ZNG1E: variants seen among roughly 807,000 people sequenced by gnomAD.
ZNG1E encodes zinc-regulated GTPase metalloprotein activator 1E.
At chr9:65,660,598 T>C in the ZNG1E span, among the ~76,000 whole-genome samples, 4 of 151,956 alleles carry the variant, frequency 2.6e-5, no homozygotes, top group Non-Finnish European at 2.9e-5. Context: ...TTTACTTTAC[T>C]AAGGCTAAAT....
the ZNG1E span, among the ~76,000 whole-genome samples, chr9:65,689,460 C>T: frequency 7.3e-6 from 1 of 136,606 alleles, no homozygotes; most frequent in Non-Finnish European, 1.5e-5. Flanking sequence ...GAGAAAAGCA[C>T]CCTGGTTTGA....
At chr9:65,687,977 T>G in the ZNG1E span, among the ~76,000 whole-genome samples, 4 of 151,366 alleles carry the variant, frequency 2.6e-5, no homozygotes, top group African/African-American at 9.7e-5. Context: ...TTTGGTCAAA[T>G]TATTAGATCC....
chr9:65,673,780 G>A, the ZNG1E span, among the ~76,000 whole-genome samples: 1 of 152,416 alleles, frequency 6.6e-6, no homozygotes, highest in African/African-American at 2.4e-5. Context: ...AATCCCTGCT[G>A]GGCGACAGAG....
the ZNG1E span, among the ~76,000 whole-genome samples, chr9:65,715,225 C>T: frequency 6.8e-6 from 1 of 146,810 alleles, no homozygotes; most frequent in Admixed American, 6.8e-5. Context: ...CCGTGCTTCC[C>T]AAGTGAGACA....
chr9:65,658,920 G>T, the ZNG1E span, among the ~76,000 whole-genome samples: 1 of 151,408 alleles, frequency 6.6e-6, no homozygotes, highest in African/African-American at 2.4e-5. Flanking sequence ...TTGCCCATTA[G>T]ACCTCATTTT....
the ZNG1E span, among the ~76,000 whole-genome samples, chr9:65,684,549 C>T: frequency 4.3e-4 from 28 of 65,694 alleles, no homozygotes; most frequent in East Asian, 0.013. Flanking sequence ...CACACACGCA[C>T]GCACACACAC....
the ZNG1E span, among the ~76,000 whole-genome samples, chr9:65,684,439 G>C: frequency 6.6e-6 from 1 of 152,324 alleles, no homozygotes; most frequent in East Asian, 1.9e-4. Context: ...AGGAGGCTAA[G>C]GCATGAGAAT....
At chr9:65,709,310 T>C in the ZNG1E span, among the ~76,000 whole-genome samples, 2 of 151,302 alleles carry the variant, frequency 1.3e-5, no homozygotes, top group Non-Finnish European at 2.9e-5. Context: ...TTCACTTTAT[T>C]TTTTTATTTT....
chr9:65,687,193 G>A, the ZNG1E span, among the ~76,000 whole-genome samples: 1 of 139,072 alleles, frequency 7.2e-6, no homozygotes, highest in Non-Finnish European at 1.5e-5. Context: ...AGAGGCCATT[G>A]TAGGATATTA....
the ZNG1E span, chr9:65,706,780 A>G: frequency 6.8e-6 from 1 of 146,254 alleles, no homozygotes; most frequent in East Asian, 2.0e-4. Flanking sequence ...GAATCTGAGT[A>G]TAAAGCAGAA....
At chr9:65,660,564 C>G in the ZNG1E span, among the ~76,000 whole-genome samples, 2 of 152,186 alleles carry the variant, frequency 1.3e-5, no homozygotes, top group Non-Finnish European at 2.9e-5. Context: ...GGGGAGGATA[C>G]CTGTAACTTT....
the ZNG1E span, among the ~76,000 whole-genome samples, chr9:65,675,165 G>A: frequency 6.6e-6 from 1 of 152,280 alleles, no homozygotes; most frequent in Non-Finnish European, 1.5e-5. Flanking sequence ...GCTGTGGATT[G>A]GAAGCGGGGG....
At chr9:65,691,020 CT>C in the ZNG1E span, 1 of 1,599,652 alleles carries the variant, frequency 6.3e-7, no homozygotes, top group Admixed American at 1.8e-5. Context: ...TGATATTTAC[CT>C]TGATGGTAAG....
At chr9:65,701,375 T>C in the ZNG1E span, 1 of 151,830 alleles carries the variant, frequency 6.6e-6, no homozygotes, top group Non-Finnish European at 1.5e-5. Context: ...CTTATTTTAA[T>C]AGTAATGTCC....
At chr9:65,726,486 AT>A in the ZNG1E span, among the ~76,000 whole-genome samples, 26 of 64,744 alleles carry the variant, frequency 4.0e-4, no homozygotes, top group South Asian at 1.6e-3. Flanking sequence ...ATGTAAGGAT[AT>A]TAAAAAAAAA....
At chr9:65,664,258 G>A in the ZNG1E span, among the ~76,000 whole-genome samples, 3 of 149,780 alleles carry the variant, frequency 2.0e-5, no homozygotes, top group Middle Eastern at 3.4e-3. Flanking sequence ...ATTTTTTTTG[G>A]GGGGGGTGAT....
the ZNG1E span, among the ~76,000 whole-genome samples, chr9:65,661,998 A>G: frequency 1.3e-5 from 2 of 152,268 alleles, no homozygotes; most frequent in East Asian, 3.8e-4. Context: ...GTTTCAAAGT[A>G]TCTCCCCATC....
At chr9:65,657,491 T>C in the ZNG1E span, among the ~76,000 whole-genome samples, 1 of 152,280 alleles carries the variant, frequency 6.6e-6, no homozygotes, top group African/African-American at 2.4e-5. Context: ...TTTCACATGT[T>C]CTCACTCATT....
chr9:65,707,690 G>GA, the ZNG1E span: 3 of 93,240 alleles, frequency 3.2e-5, no homozygotes, highest in African/African-American at 5.0e-5. Context: ...GTGCATTAAA[G>GA]AAAAAAAAAT....
Sources: allele counts gnomAD v4.1 joint callset (sites outside exome capture counted in the v4.1 genomes callset), GRCh38; gene constraint gnomAD v4.1.1; transcripts MANE v1.5; gene names NCBI Gene and HGNC (gene_info 2026-07-23, HGNC 2026-07-21).